The following FNDC3B variants were observed in gnomAD, a reference collection of about 807,000 sequenced individuals.
FNDC3B encodes the protein fibronectin type III domain-containing protein 3B.
In FNDC3B, 12 loss-of-function variants were observed where a neutral mutation model predicts 151.5. The ratio of observed to expected loss-of-function variants is 0.08; its 90% CI spans 0.05 to 0.13. The LOEUF (loss-of-function observed/expected upper bound fraction) is 0.13, where lower values mean the gene tolerates loss of function less well. Ranked by LOEUF, FNDC3B falls within the 10% of genes least tolerant of loss-of-function variation. The pLI is 1.00. For synonymous variants in FNDC3B, 528 were observed against 549.0 expected (o/e 0.96, Z 0.54); for missense variants, 1,214 against 1,505.3 (o/e 0.81, Z 3.20).
At chr3:172,070,999 T>C in intron 1 of FNDC3B, among the ~76,000 whole-genome samples, 1 of 152,184 alleles carries the variant, frequency 6.6e-6, no homozygotes, top group East Asian at 1.9e-4. Context: ...TTCTAACTAA[T>C]CAGCATTTTT....
intron 3 of FNDC3B, among the ~76,000 whole-genome samples, chr3:172,174,772 T>C (rs1723468371): frequency 6.6e-6 from 1 of 152,156 alleles, no homozygotes; most frequent in Non-Finnish European, 1.5e-5. Flanking sequence ...CTCGGTTTGG[T>C]TGTGGGTGAA....
chr3:172,139,330 G>T (rs1441338987), intron 3 of FNDC3B, among the ~76,000 whole-genome samples: 1 of 152,180 alleles, frequency 6.6e-6, no homozygotes, highest in South Asian at 2.1e-4. Context: ...CAAGAATGGT[G>T]TCATAGCTTG....
At chr3:172,297,763 C>T (rs9820700) in intron 8 of FNDC3B, among the ~76,000 whole-genome samples, 31,842 of 134,772 alleles carry the variant, frequency 0.24, 3,499 homozygotes, top group South Asian at 0.4. Context: ...CGTGAGCCAC[C>T]GCGCCCGGCC....
chr3:172,113,075 C>G (rs1576875725), intron 2 of FNDC3B, among the ~76,000 whole-genome samples: 1 of 152,302 alleles, frequency 6.6e-6, no homozygotes, highest in East Asian at 1.9e-4. Context: ...TCCTTTGTCA[C>G]TAGTCACTGA....
At chr3:172,053,187 T>C (rs1162382414) in intron 1 of FNDC3B, among the ~76,000 whole-genome samples, 3 of 152,212 alleles carry the variant, frequency 2.0e-5, no homozygotes, top group East Asian at 1.9e-4. Flanking sequence ...TGTAGGTGTT[T>C]CTAGTGTCCA....
At chr3:172,317,085 T>G (rs1731822642) in intron 11 of FNDC3B, 1 of 423,714 alleles carries the variant, frequency 2.4e-6, no homozygotes, top group Non-Finnish European at 4.6e-6. Flanking sequence ...TGGCAATGCA[T>G]TTGTGAGGAT....
At chr3:172,234,530 A>G (rs976456591) in intron 4 of FNDC3B, among the ~76,000 whole-genome samples, 2 of 152,234 alleles carry the variant, frequency 1.3e-5, no homozygotes, top group Non-Finnish European at 2.9e-5. Context: ...ATTCCTTAAC[A>G]GGGTATCAAA....
intron 16 of FNDC3B, among the ~76,000 whole-genome samples, chr3:172,338,887 C>G (rs1733132053): frequency 6.6e-6 from 1 of 152,070 alleles, no homozygotes; most frequent in African/African-American, 2.4e-5. Flanking sequence ...CAGACGCCCA[C>G]CACTAGGCCG....
chr3:172,215,222 A>T (rs1725915672), intron 3 of FNDC3B, among the ~76,000 whole-genome samples: 2 of 152,252 alleles, frequency 1.3e-5, no homozygotes, highest in Non-Finnish European at 2.9e-5. Flanking sequence ...TTCTTCATGG[A>T]CTTGTTATAA....
intron 2 of FNDC3B, among the ~76,000 whole-genome samples, chr3:172,116,204 A>G (rs957804478): frequency 2.0e-5 from 3 of 152,260 alleles, no homozygotes; most frequent in South Asian, 2.1e-4. Flanking sequence ...CTAAAAATAA[A>G]TAACAAGAAA....
chr3:172,231,881 T>TG, intron 4 of FNDC3B, among the ~76,000 whole-genome samples: 1 of 143,160 alleles, frequency 7.0e-6, no homozygotes, highest in South Asian at 2.3e-4. Flanking sequence ...TATTTACCGT[T>TG]TTTTTTTTTT....
At chr3:172,113,399 C>T (rs968947202) in intron 2 of FNDC3B, among the ~76,000 whole-genome samples, 1 of 152,134 alleles carries the variant, frequency 6.6e-6, no homozygotes, top group African/African-American at 2.4e-5. Context: ...GTACATGCCC[C>T]CTGCTCTAAT....
intron 1 of FNDC3B, among the ~76,000 whole-genome samples, chr3:172,092,662 C>T (rs1381225355): frequency 1.3e-5 from 2 of 152,176 alleles, no homozygotes; most frequent in African/African-American, 4.8e-5. Flanking sequence ...CTTTAAGTAG[C>T]ACGACCTGGA....
At chr3:172,224,525 C>A (rs760345994) in intron 3 of FNDC3B, among the ~76,000 whole-genome samples, 99 of 152,156 alleles carry the variant, frequency 6.5e-4, no homozygotes, top group Non-Finnish European at 3.1e-4. Flanking sequence ...TACAAATTTT[C>A]TTCCCTGCTC....
At chr3:172,374,477 C>T (rs1735032604) in intron 23 of FNDC3B, among the ~76,000 whole-genome samples, 1 of 152,180 alleles carries the variant, frequency 6.6e-6, no homozygotes, top group Non-Finnish European at 1.5e-5. Flanking sequence ...TCACTGCAAC[C>T]TCTGCCTACC....
chr3:172,047,648 T>C (rs1280100949), intron 1 of FNDC3B, among the ~76,000 whole-genome samples: 2 of 152,196 alleles, frequency 1.3e-5, no homozygotes, highest in Non-Finnish European at 2.9e-5. Context: ...TAAATATTGA[T>C]TGACTCAATG....
chr3:172,081,067 T>C (rs1277537897), intron 1 of FNDC3B, among the ~76,000 whole-genome samples: 1 of 152,240 alleles, frequency 6.6e-6, no homozygotes, highest in African/African-American at 2.4e-5. Flanking sequence ...AGTTGTGATG[T>C]AGTAACTCTA....
In FNDC3B at chr3:172,153,482, C is replaced by T. The variant is rs548910668; in HGVS notation, c.187+19936C>T. On this transcript the variant is annotated intron_variant, in intron 3 of 25. Coordinates refer to ENST00000415807, the MANE Select transcript of FNDC3B (RefSeq NM_022763.4). ...GGCAGCCAGTGCTGTTTCCTGCTGA[C>T]GTGGCCTCCCACAACTGAGCAGAAC... Among the ~76,000 whole-genome samples the T allele has an allele frequency of 5.9e-5, 9 of 152,288 alleles. No individual in the cohort carries two copies. In the South Asian group the frequency reaches 6.2e-4, roughly 11 times the overall value.
intron 1 of FNDC3B, among the ~76,000 whole-genome samples, chr3:172,088,351 T>C (rs1718653186): frequency 6.6e-6 from 1 of 152,210 alleles, no homozygotes; most frequent in Admixed American, 6.5e-5. Flanking sequence ...ACCTAACTCC[T>C]GCAGCTAGCA....
Sources: allele counts gnomAD v4.1 joint callset (sites outside exome capture counted in the v4.1 genomes callset), GRCh38; gene constraint gnomAD v4.1.1; transcripts MANE v1.5; gene names NCBI Gene and HGNC (gene_info 2026-07-23, HGNC 2026-07-21).